Variants in RREB1 observed in about 807,000 individuals in gnomAD.
RREB1 encodes ras-responsive element-binding protein 1.
RREB1 carries 27 observed loss-of-function variants against 117.8 expected under a neutral mutation model. That is an observed-to-expected ratio of 0.23 (90% CI 0.17 to 0.32). RREB1 has a LOEUF of 0.32. RREB1 is among the 10% of genes least tolerant of loss of function. The pLI, the probability that RREB1 is intolerant of heterozygous loss-of-function variation, is 1.00. For synonymous variants in RREB1, 1,298 were observed against 1,026.7 expected (o/e 1.26, Z -5.05); for missense variants, 2,577 against 2,378.2 (o/e 1.08, Z -1.74).
intron 1 of RREB1, among the ~76,000 whole-genome samples, chr6:7,135,310 G>A (rs769381993): frequency 6.6e-6 from 1 of 152,160 alleles, no homozygotes; most frequent in Non-Finnish European, 1.5e-5. Context: ...ACCTTTGTAA[G>A]GATGGAAGCT....
intron 4 of RREB1, among the ~76,000 whole-genome samples, chr6:7,185,771 T>C (rs1345452826): frequency 6.6e-6 from 1 of 152,176 alleles, no homozygotes; most frequent in Non-Finnish European, 1.5e-5. Flanking sequence ...GTGTTTCCTT[T>C]CCGTGCCTTG....
intron 1 of RREB1, among the ~76,000 whole-genome samples, chr6:7,126,635 A>G (rs568562543): frequency 6.6e-6 from 1 of 152,330 alleles, no homozygotes; most frequent in East Asian, 1.9e-4. Flanking sequence ...TAACTGACCT[A>G]TCTTCTCTAT....
chr6:7,227,796 T>C (rs1425127594), intron 9 of RREB1, among the ~76,000 whole-genome samples: 2 of 152,194 alleles, frequency 1.3e-5, no homozygotes, highest in Non-Finnish European at 2.9e-5. Context: ...CTGGGCACAA[T>C]GGCTCATACC....
intron 6 of RREB1, among the ~76,000 whole-genome samples, chr6:7,190,067 A>G (rs907023127): frequency 3.5e-4 from 53 of 152,342 alleles, no homozygotes; most frequent in Non-Finnish European, 5.7e-4. Context: ...CTACTATAAA[A>G]TTGATATGCT....
intron 1 of RREB1, among the ~76,000 whole-genome samples, chr6:7,144,078 T>A (rs1176008854): frequency 1.3e-5 from 2 of 152,142 alleles, no homozygotes; most frequent in East Asian, 1.9e-4. Context: ...ACTTTTTTTT[T>A]TATATTCTCA....
rs1769129221 is a variant in RREB1, at chr6:7,247,092, A to G, written c.4642A>G (p.Lys1548Glu). ...KRSSEKSDDDKKPKTDSPKSV... is the reference protein window; with the variant it reads ...KRSSEKSDDDEKPKTDSPKSV... ...GTCCTCAGAGAAGAGCGACGATGAC[A>G]AGAAACCAAAGACAGACTCCCCCAA... The change falls in exon 12 of 13, where the codon AAG becomes GAG. Residue 1548 changes from lysine (K) to glutamate (E), a missense_variant. Transcript: ENST00000379938. 6.2e-7 allele frequency: 1 copy of G among 1,613,654 alleles called. No homozygotes were observed. Among genetic ancestry groups the G allele is most frequent in the South Asian group, 1.1e-5 (1 of 91,088 alleles).
At chr6:7,144,619 T>C (rs1403606333) in intron 1 of RREB1, among the ~76,000 whole-genome samples, 1 of 152,206 alleles carries the variant, frequency 6.6e-6, no homozygotes, top group Non-Finnish European at 1.5e-5. Context: ...TATTCCTTTT[T>C]TTTTTTTCAC....
At chr6:7,184,676 T>A (rs1440802763) in intron 4 of RREB1, 1 of 151,888 alleles carries the variant, frequency 6.6e-6, no homozygotes, top group Non-Finnish European at 1.5e-5. Flanking sequence ...AAGGCTGGGG[T>A]GTCAGTTCAT....
chr6:7,207,457 A>G (rs1241516922), intron 6 of RREB1, among the ~76,000 whole-genome samples: 1 of 152,156 alleles, frequency 6.6e-6, no homozygotes, highest in African/African-American at 2.4e-5. Flanking sequence ...TGCAGAATGG[A>G]GGAGATGTGG....
chr6:7,232,214 T>A (rs1350894271), intron 10 of RREB1, among the ~76,000 whole-genome samples: 1 of 152,212 alleles, frequency 6.6e-6, no homozygotes, highest in African/African-American at 2.4e-5. Flanking sequence ...GCCTCATCCC[T>A]TCCGGAGGTG....
chr6:7,201,579 G>A (rs548197205), intron 6 of RREB1, among the ~76,000 whole-genome samples: 9 of 128,590 alleles, frequency 7.0e-5, no homozygotes, highest in Admixed American at 3.0e-4. Flanking sequence ...TTCATGACAC[G>A]GATCCTCATC....
In RREB1 at chr6:7,226,661, T is replaced by A; in HGVS notation, c.897+5T>A. 1.9e-6 allele frequency: 3 copies of A among 1,612,690 alleles called. No homozygotes were observed. The South Asian group carries it at 3.3e-5, about 18-fold the overall frequency. On this transcript the variant is annotated splice_donor_5th_base_variant and intron_variant, in intron 9 of 12. Transcript: ENST00000379938. ...AAGTTTCCTCGCATTTCTCAGGTAT[T>A]CTGATCAGCCCATGGAAGCAACCAG...
intron 4 of RREB1, 114 bp from the exon 5 acceptor site, chr6:7,187,320 A>G (rs889365982): frequency 5.9e-6 from 3 of 506,824 alleles, no homozygotes; most frequent in African/African-American, 3.9e-5. Context: ...CAGGTTCTGG[A>G]GCCCATGCTC....
intron 1 of RREB1, among the ~76,000 whole-genome samples, chr6:7,172,830 G>A (rs1388751342): frequency 6.6e-6 from 1 of 152,216 alleles, no homozygotes; most frequent in Non-Finnish European, 1.5e-5. Flanking sequence ...ATGTGAGGTG[G>A]TTAGAAGAGA....
chr6:7,168,499 C>T (rs1764066863), intron 1 of RREB1, among the ~76,000 whole-genome samples: 1 of 152,140 alleles, frequency 6.6e-6, no homozygotes, highest in South Asian at 2.1e-4. Flanking sequence ...AGTGGTTACC[C>T]ACCCTCTGCT....
chr6:7,249,035 C>T lies in RREB1; in HGVS notation c.*67C>T, dbSNP rs1769284329. 11 of 1,152,202 alleles carry T rather than the reference C, an allele frequency of 9.5e-6. No individual in the cohort carries two copies. The highest frequency in any genetic ancestry group is 1.7e-5 in the South Asian group (1 of 60,516). 71.4% of individuals were successfully genotyped at this position (1,152,202 alleles called of 1,614,324 possible). A position where few individuals can be genotyped will look rare whatever the true frequency, so the allele number is the denominator to read the frequency against. On this transcript the variant is annotated 3_prime_UTR_variant, in exon 13 of 13. Coordinates refer to ENST00000379938, the MANE Select transcript of RREB1 (RefSeq NM_001003699.4). ...AAAGCGTCTATACTTCATGGGGTTT[C>T]CTCAGTGCCCTTTGGCTGTTGAGGA...
intron 1 of RREB1, among the ~76,000 whole-genome samples, chr6:7,117,432 A>C (rs1761461291): frequency 1.3e-5 from 1 of 74,760 alleles, no homozygotes; most frequent in Non-Finnish European, 2.4e-5. Flanking sequence ...TTTTGAGACG[A>C]AGTGTTTTAC....
intron 11 of RREB1, among the ~76,000 whole-genome samples, chr6:7,245,260 G>A (rs1768936699): frequency 6.6e-6 from 1 of 152,290 alleles, no homozygotes; most frequent in South Asian, 2.1e-4. Context: ...GCTGGGCGTG[G>A]TGGTGGGCGC....
chr6:7,171,994 T>C (rs1489231446), intron 1 of RREB1, among the ~76,000 whole-genome samples: 1 of 151,658 alleles, frequency 6.6e-6, no homozygotes, highest in Non-Finnish European at 1.5e-5. Context: ...TGACCAGGCT[T>C]GAGTACAGTG....
Sources: gnomAD v4.1 joint callset for allele counts (sites outside exome capture counted in the v4.1 genomes callset) on GRCh38, gnomAD v4.1.1 for gene constraint, MANE v1.5 for transcripts, NCBI Gene and HGNC (gene_info 2026-07-23, HGNC 2026-07-21) for gene names.